The following PCDHGC5 variants were observed in gnomAD, a reference collection of about 807,000 sequenced individuals.
PCDHGC5 encodes the protein protocadherin gamma subfamily C, 5, also known as protocadherin gamma-C5.
A neutral mutation model predicts 59.0 loss-of-function variants in PCDHGC5; 25 were observed. That is an observed-to-expected ratio of 0.42 (90% confidence interval 0.31 to 0.59). The LOEUF (loss-of-function observed/expected upper bound fraction) is 0.59. PCDHGC5 is among the 20% of genes least tolerant of loss of function. PCDHGC5 has a pLI of 0.13. For synonymous variants in PCDHGC5, 434 were observed against 505.5 expected (o/e 0.86, Z 1.90); for missense variants, 1,067 against 1,206.4 (o/e 0.88, Z 1.71).
Position 141,490,667 on chromosome 5 carries a change from T to C in PCDHGC5, c.1427T>C (p.Val476Ala), listed in dbSNP as rs906656199. Reference protein sequence around the residue: ...NRPPGSLLCTVAASDPDTGDN... With the variant: ...NRPPGSLLCTAAASDPDTGDN... The stretch of plus-strand genomic sequence containing the variant: ...CCTCCGGGCTCCCTTCTTTGCACTG[T>C]GGCTGCCTCAGATCCAGACACTGGG... Residue 476 changes from valine to alanine, a missense_variant, in exon 1 of 4, where the codon GTG (valine) becomes GCG (alanine). Physicochemically the swap from Val to Ala is moderately conservative, Grantham distance 64. Transcript: ENST00000252087. This position sits in a 1 kb window ranked among gnomAD's most constrained non-coding sequence, Gnocchi z 5.4. The C allele has an allele frequency of 6.8e-6, 11 of 1,614,206 alleles. 1 individual carries two copies. The highest frequency in any genetic ancestry group is 4.5e-5 in the East Asian group (2 of 44,876).
chr5:141,501,311 AC>A (rs2099807696), intron 2 of PCDHGC5, among the ~76,000 whole-genome samples: 1 of 151,670 alleles, frequency 6.6e-6, no homozygotes, highest in Non-Finnish European at 1.5e-5. Context: ...ACACACACAC[AC>A]ACACACACAC....
At position 141,492,138 on chromosome 5, in the gene PCDHGC5, T is replaced by C. The variant is rs577884713; in HGVS notation, c.2460+438T>C. ...ATTTCTCCCCAGCTCCCAGCATCTG[T>C]GACTTCACTGTTACCCTCCCTATCC... On this transcript the variant is annotated intron_variant, in intron 1 of 3. Coordinates refer to ENST00000252087, the MANE Select transcript of PCDHGC5 (RefSeq NM_018929.3). 2.4e-3 allele frequency among the ~76,000 whole-genome samples: 366 copies of C among 152,312 alleles called. 1 individual carries two copies. Among genetic ancestry groups the C allele is most frequent in the Non-Finnish European group, 3.5e-3 (238 of 68,014 alleles).
chr5:141,500,871 T>C (rs2154592764), intron 2 of PCDHGC5, among the ~76,000 whole-genome samples: 1 of 135,840 alleles, frequency 7.4e-6, no homozygotes, highest in African/African-American at 3.0e-5. Context: ...TACACATTCA[T>C]TTACAATTTT....
rs375127524 is a variant in PCDHGC5 at position 141,490,702 on chromosome 5, C to T, written c.1462C>T (p.Arg488Cys). ...AGATCCAGACACTGGGGATAATGCC[C>T]GCCTCACCTACTCCATTGTAGGAAA... The part of the protein sequence containing the change: ...ASDPDTGDNA[R>C]LTYSIVGNQV... The change falls in exon 1 of 4, where the codon CGC (arginine) becomes TGC (cysteine). Residue 488 changes from arginine (R) to cysteine (C), a missense_variant. By Grantham distance (180) the Arg-to-Cys change is radical. Coordinates refer to ENST00000252087, the MANE Select transcript of PCDHGC5 (RefSeq NM_018929.3). The surrounding 1 kb of genome is among the most constrained non-coding windows in gnomAD (Gnocchi z 5.4). 36 of 1,614,060 alleles carry T rather than the reference C, an allele frequency of 2.2e-5. No homozygotes were observed. Among genetic ancestry groups the T allele is most frequent in the South Asian group, 7.7e-5 (7 of 91,090 alleles).
At chr5:141,502,961 A>G (rs886622146) in intron 2 of PCDHGC5, among the ~76,000 whole-genome samples, 3 of 146,786 alleles carry the variant, frequency 2.0e-5, no homozygotes, top group Non-Finnish European at 4.4e-5. Context: ...CTCCTGCCTC[A>G]GCCTCCCAAG....
chr5:141,509,825 C>A (rs1057042581), intron 3 of PCDHGC5, among the ~76,000 whole-genome samples: 18 of 152,222 alleles, frequency 1.2e-4, no homozygotes, highest in African/African-American at 1.2e-4. Context: ...TCTCCATCTT[C>A]TCTCTACCTC....
intron 3 of PCDHGC5, among the ~76,000 whole-genome samples, chr5:141,507,861 C>T (rs538942097): frequency 7.0e-4 from 106 of 152,306 alleles, no homozygotes; most frequent in African/African-American, 2.5e-3. Flanking sequence ...CTTTCACACC[C>T]GCTTCCTAGC....
intron 3 of PCDHGC5, among the ~76,000 whole-genome samples, chr5:141,510,556 T>TA (rs2099881668): frequency 6.6e-6 from 1 of 152,178 alleles, no homozygotes; most frequent in African/African-American, 2.4e-5. Flanking sequence ...TTTGAGCACT[T>TA]ACATCTACCA....
intron 3 of PCDHGC5, among the ~76,000 whole-genome samples, chr5:141,507,790 A>C (rs922507228): frequency 5.9e-5 from 9 of 152,188 alleles, no homozygotes; most frequent in Admixed American, 2.6e-4. Context: ...ACCCTCGTCT[A>C]AGCCTGCGCC....
rs750109717 is a variant in PCDHGC5, at chr5:141,490,546, A to C, written c.1306A>C (p.Lys436Gln). 1.9e-6 allele frequency: 3 copies of C among 1,614,110 alleles called. No individual in the cohort carries two copies. Among genetic ancestry groups the C allele is most frequent in the Non-Finnish European group, 2.5e-6 (3 of 1,180,036 alleles). The change falls in exon 1 of 4, where the codon AAA (lysine) becomes CAA (glutamine). Residue 436 changes from lysine (K) to glutamine (Q), a missense_variant. Lys to Gln is a moderately conservative substitution (Grantham distance 53, BLOSUM62 1). Transcript: ENST00000252087. The surrounding 1 kb of genome is among the most constrained non-coding windows in gnomAD (Gnocchi z 5.4). ...ASDAGSPSLH[K>Q]HLTIRLNISD... ...CGATGCTGGTTCACCTTCCCTACAC[A>C]AACATCTCACCATCAGGCTCAACAT...
At position 141,489,963 on chromosome 5, in the gene PCDHGC5, C is replaced by A. The variant is rs779260164; in HGVS notation, c.723C>A (p.Thr241=). Residue 241 remains threonine, a synonymous_variant, in exon 1 of 4, where the codon ACC becomes ACA. Coordinates refer to ENST00000252087, the MANE Select transcript of PCDHGC5 (RefSeq NM_018929.3). This position sits in a 1 kb window ranked among gnomAD's most constrained non-coding sequence, Gnocchi z 4.5. ...IVLDINDNAP[T]FQSSVLRVGI... is the part of the protein sequence containing the mutation. Reference sequence around the variant, plus strand: ...TGGACATCAATGATAATGCTCCAACCTTCCAATCCTCAGTTCTACGTGTGG... The same window carrying A: ...TGGACATCAATGATAATGCTCCAACATTCCAATCCTCAGTTCTACGTGTGG... The A allele has an allele frequency of 8.1e-6, 13 of 1,614,184 alleles. No homozygotes were observed. In the East Asian group the frequency reaches 2.2e-4, roughly 28 times the overall value.
intron 2 of PCDHGC5, among the ~76,000 whole-genome samples, chr5:141,502,865 T>C (rs538731947): frequency 3.0e-5 from 4 of 131,428 alleles, no homozygotes; most frequent in Non-Finnish European, 6.3e-5. Context: ...TGACTCTCTG[T>C]CTTTTTTTTT....
intron 3 of PCDHGC5, among the ~76,000 whole-genome samples, chr5:141,510,378 C>A (rs919650449): frequency 6.6e-6 from 1 of 151,786 alleles, no homozygotes; most frequent in East Asian, 2.0e-4. Flanking sequence ...TCTACTCGTG[C>A]CAGGCCTTGC....
chr5:141,501,331 A>T (rs1024837974), intron 2 of PCDHGC5, among the ~76,000 whole-genome samples: 2 of 138,846 alleles, frequency 1.4e-5, no homozygotes, highest in Non-Finnish European at 1.6e-5. Flanking sequence ...ACACACACAC[A>T]CACCCCAAAC....
Position 141,511,015 on chromosome 5 carries a change from C to T in PCDHGC5, c.2677C>T (p.Pro893Ser), listed in dbSNP as rs1430257603. The T allele has an allele frequency of 1.2e-6, 2 of 1,614,106 alleles. No homozygotes were observed. The highest frequency in any genetic ancestry group is 1.3e-5 in the African/African-American group (1 of 74,936). The stretch of plus-strand genomic sequence containing the variant: ...CATGGGATTGAGCGCCCGCTACGGA[C>T]CCCAGTTCACCCTGCAGCACGTGCC... ...GTMGLSARYG[P>S]QFTLQHVPDY... Residue 893 changes from proline (P) to serine (S), a missense_variant, in exon 4 of 4, where the codon CCC (proline) becomes TCC (serine). Coordinates refer to ENST00000252087, the MANE Select transcript of PCDHGC5 (RefSeq NM_018929.3).
At chr5:141,492,962 C>A (rs1197532146) in intron 1 of PCDHGC5, among the ~76,000 whole-genome samples, 2 of 152,258 alleles carry the variant, frequency 1.3e-5, no homozygotes, top group African/African-American at 2.4e-5. Flanking sequence ...CTATCTGACA[C>A]TCTAACAAGT....
Position 141,491,382 on chromosome 5 carries a change from G to T in PCDHGC5, c.2142G>T (p.Ala714=), listed in dbSNP as rs918558. 0.21 allele frequency: 331,798 copies of T among 1,613,774 alleles called. 36,318 individuals are homozygous for T. The highest frequency in any genetic ancestry group is 0.37 in the Admixed American group (22,359 of 60,012). ...TAGTCACCTTCACCTTTCTGTCAGC[G>T]AAGTGCCTTCAGGGAAACGCAGACG... is the stretch of plus-strand genomic sequence containing the variant. ...LSLVTFTFLS[A]KCLQGNADGD... Residue 714 remains alanine, a synonymous_variant, in exon 1 of 4, where the codon GCG becomes GCT. Transcript: ENST00000252087. This position sits in a 1 kb window ranked among gnomAD's most constrained non-coding sequence, Gnocchi z 6.9.
rs746242389 is a variant in PCDHGC5 at position 141,491,254 on chromosome 5, G to C, written c.2014G>C (p.Glu672Gln). 3 of 1,614,080 alleles carry C rather than the reference G, an allele frequency of 1.9e-6. No individual in the cohort carries two copies. In the African/African-American group the frequency reaches 4.0e-5, roughly 22 times the overall value. Residue 672 changes from glutamate (E) to glutamine (Q), a missense_variant, in exon 1 of 4, where the codon GAG becomes CAG. Transcript: ENST00000252087. This position sits in a 1 kb window ranked among gnomAD's most constrained non-coding sequence, Gnocchi z 6.9. ...GCTGGTTCTGGAGGATGAGGACCCT[G>C]AGGAAATGCCCAAATCCAGTGACTT... ...VLLVLEDEDP[E>Q]EMPKSSDFLI...
chr5:141,498,726 G>T (rs2099785379), intron 2 of PCDHGC5, among the ~76,000 whole-genome samples: 1 of 152,172 alleles, frequency 6.6e-6, no homozygotes, highest in Admixed American at 6.5e-5. Context: ...GAGGTCAGGA[G>T]TTTGAGACCA....
Sources: allele counts gnomAD v4.1 joint callset (sites outside exome capture counted in the v4.1 genomes callset), GRCh38; gene constraint gnomAD v4.1.1; non-coding constraint Gnocchi (gnomAD v3.1); transcripts MANE v1.5; gene names NCBI Gene and HGNC (gene_info 2026-07-23, HGNC 2026-07-21).